The following PPP3CA variants were observed in gnomAD, a reference collection of about 807,000 sequenced individuals.
PPP3CA encodes the protein protein phosphatase 3 catalytic subunit alpha.
In PPP3CA, 14 loss-of-function variants were observed where a neutral mutation model predicts 66.5. The ratio of observed to expected loss-of-function variants is 0.21; its 90% CI spans 0.14 to 0.33. The LOEUF (loss-of-function observed/expected upper bound fraction) is 0.33, where lower values mean the gene tolerates loss of function less well. PPP3CA is among the 10% of genes least tolerant of loss of function. PPP3CA has a pLI of 1.00. For synonymous variants in PPP3CA, 232 were observed against 226.2 expected, an observed-to-expected ratio of 1.03 and a Z score of -0.23; for missense variants, 317 against 639.5, an observed-to-expected ratio of 0.50 and a Z score of 5.44.
intron 2 of PPP3CA, among the ~76,000 whole-genome samples, chr4:101,124,799 G>GAAAGAAAGAAAGAAAAAGAA (rs1399400422): frequency 1.3e-4 from 13 of 100,396 alleles, no homozygotes; most frequent in African/African-American, 6.6e-4. Context: ...AAGAAAGAAA[G>GAAAGAAAGAAAGAAAAAGAA]AGAAAACTGT....
chr4:101,302,676 A>G (rs1381603308), intron 1 of PPP3CA, among the ~76,000 whole-genome samples: 1 of 152,144 alleles, frequency 6.6e-6, no homozygotes, highest in Non-Finnish European at 1.5e-5. Context: ...ACTACAGCAC[A>G]TTTTTATGCA....
chr4:101,098,712 A>C (rs1244171021), intron 4 of PPP3CA, among the ~76,000 whole-genome samples, 200 bp from the exon 5 acceptor site: 2 of 151,968 alleles, frequency 1.3e-5, no homozygotes, highest in African/African-American at 4.8e-5. Flanking sequence ...TGTTTTTGTC[A>C]TTTATTAATT....
At chr4:101,341,645 CAGT>C (rs1355667481) in intron 1 of PPP3CA, among the ~76,000 whole-genome samples, 1 of 152,164 alleles carries the variant, frequency 6.6e-6, no homozygotes, top group African/African-American at 2.4e-5. Context: ...CACAAGTTGA[CAGT>C]GGATACAATT....
intron 5 of PPP3CA, among the ~76,000 whole-genome samples, chr4:101,095,060 G>C (rs931704925): frequency 6.6e-6 from 1 of 151,414 alleles, no homozygotes; most frequent in African/African-American, 2.4e-5. Flanking sequence ...TAGAGAATGA[G>C]GCAATATTTT....
rs1334933549 is a variant in PPP3CA, at chr4:101,093,796, C to T, written c.762G>A (p.Arg254=). The change falls in exon 6 of 14, where the codon AGG becomes AGA. Residue 254 remains arginine, a synonymous_variant. Coordinates refer to ENST00000394854, the MANE Select transcript of PPP3CA (RefSeq NM_000944.5). ...TQEHFTHNTV[R]GCSYFYSYPA... ...CTTACCTGTAGAAGTATGAACACCC[C>T]CTGACTGTGTTGTGAGTGAAATGTT... 1 of 1,612,194 alleles carries T rather than the reference C, an allele frequency of 6.2e-7. No homozygotes were observed. Among genetic ancestry groups the T allele is most frequent in the Non-Finnish European group, 8.5e-7 (1 of 1,178,966 alleles).
chr4:101,303,253 A>G (rs993085506), intron 1 of PPP3CA, among the ~76,000 whole-genome samples: 18 of 152,218 alleles, frequency 1.2e-4, no homozygotes, highest in Non-Finnish European at 2.1e-4. Context: ...AATTCTACTG[A>G]TACTTTTAAA....
At chr4:101,273,973 C>A (rs190310644) in intron 1 of PPP3CA, among the ~76,000 whole-genome samples, 1 of 151,424 alleles carries the variant, frequency 6.6e-6, no homozygotes, top group East Asian at 1.9e-4. Flanking sequence ...AATCTTTATA[C>A]AAAGAAATTG....
intron 11 of PPP3CA, among the ~76,000 whole-genome samples, chr4:101,037,494 A>G (rs1237134625): frequency 6.6e-6 from 1 of 152,022 alleles, no homozygotes; most frequent in Non-Finnish European, 1.5e-5. Flanking sequence ...GTTTTCCCAA[A>G]TTCCTTGTAT....
chr4:101,238,087 C>A (rs1354934996), intron 1 of PPP3CA, among the ~76,000 whole-genome samples: 1 of 151,974 alleles, frequency 6.6e-6, no homozygotes, highest in Non-Finnish European at 1.5e-5. Flanking sequence ...TTCTGTTTCT[C>A]GGCAACAACA....
intron 5 of PPP3CA, 35 bp downstream of exon 5, chr4:101,098,332 C>T (rs377143526): frequency 6.4e-5 from 100 of 1,564,530 alleles, no homozygotes; most frequent in Non-Finnish European, 8.3e-5. Flanking sequence ...CTGTAGCGCA[C>T]AAAATGATTA....
At chr4:101,239,298 C>T (rs996746253) in intron 1 of PPP3CA, among the ~76,000 whole-genome samples, 1 of 152,072 alleles carries the variant, frequency 6.6e-6, no homozygotes, top group Admixed American at 6.6e-5. Context: ...TAATCTTATT[C>T]CAAAAGCACT....
chr4:101,093,745 G>A (rs760020016), intron 6 of PPP3CA, 31 bp downstream of exon 6: 19 of 1,558,464 alleles, frequency 1.2e-5, no homozygotes, highest in East Asian at 6.9e-5. Flanking sequence ...TGATGCAAAC[G>A]TGTTCCAGAG....
At chr4:101,289,862 G>A (rs2110287526) in intron 1 of PPP3CA, among the ~76,000 whole-genome samples, 1 of 137,726 alleles carries the variant, frequency 7.3e-6, no homozygotes, top group East Asian at 2.2e-4. Flanking sequence ...ATCCCAAAAT[G>A]TCCGTGTATG....
chr4:101,211,537 C>T (rs1023359046), intron 1 of PPP3CA, among the ~76,000 whole-genome samples: 2 of 152,238 alleles, frequency 1.3e-5, no homozygotes, highest in East Asian at 1.9e-4. Flanking sequence ...TTAAAAGAGA[C>T]CAAAATGTTA....
chr4:101,229,933 AAG>A (rs1037567356), intron 1 of PPP3CA, among the ~76,000 whole-genome samples: 2 of 151,648 alleles, frequency 1.3e-5, no homozygotes, highest in Non-Finnish European at 3.0e-5. Context: ...AGATTGGAAA[AAG>A]AGAGAGAGAT....
intron 1 of PPP3CA, among the ~76,000 whole-genome samples, chr4:101,228,173 C>T (rs990691472): frequency 5.3e-5 from 8 of 151,654 alleles, no homozygotes; most frequent in South Asian, 4.1e-4. Context: ...TATGTTTCAA[C>T]GAATGTTTCA....
intron 1 of PPP3CA, among the ~76,000 whole-genome samples, chr4:101,298,138 G>A (rs1728253396): frequency 1.3e-5 from 2 of 151,910 alleles, no homozygotes; most frequent in Admixed American, 1.3e-4. Flanking sequence ...ATATCCTAGG[G>A]TCAGAATAAG....
At chr4:101,235,720 ACAGT>A (rs1442457495) in intron 1 of PPP3CA, among the ~76,000 whole-genome samples, 2 of 151,858 alleles carry the variant, frequency 1.3e-5, no homozygotes, top group Admixed American at 6.6e-5. Context: ...TACTTATTTG[ACAGT>A]CAATCTGTCT....
intron 1 of PPP3CA, among the ~76,000 whole-genome samples, chr4:101,343,849 A>G (rs1729897995): frequency 6.6e-6 from 1 of 152,206 alleles, no homozygotes; most frequent in African/African-American, 2.4e-5. Context: ...AGTACAATTA[A>G]GAAAACAGTC....
Sources: allele counts gnomAD v4.1 joint callset (sites outside exome capture counted in the v4.1 genomes callset), GRCh38; gene constraint gnomAD v4.1.1; transcripts MANE v1.5; gene names NCBI Gene and HGNC (gene_info 2026-07-23, HGNC 2026-07-21).